DYDC2: variants seen among roughly 807,000 people sequenced by gnomAD.
DYDC2 encodes DPY30 domain-containing protein 2.
A neutral mutation model predicts 18.7 loss-of-function variants in DYDC2; 19 were observed. The ratio of observed to expected loss-of-function variants is 1.02; its 90% CI spans 0.71 to 1.49. The LOEUF (loss-of-function observed/expected upper bound fraction) is 1.49. Ranked by LOEUF, DYDC2 falls within the 40% of genes most tolerant of loss-of-function variation. DYDC2 has a pLI of 0.00. For synonymous variants in DYDC2, 63 were observed against 67.6 expected (o/e 0.93, Z 0.34); for missense variants, 179 against 205.1 (o/e 0.87, Z 0.78).
intron 2 of DYDC2, among the ~76,000 whole-genome samples, chr10:80,358,462 T>C (rs539261898): frequency 8.7e-4 from 133 of 152,326 alleles, no homozygotes; most frequent in Middle Eastern, 6.8e-3. Context: ...ACTGTCTTTG[T>C]ACCATATTTT....
upstream of DYDC2, among the ~76,000 whole-genome samples, chr10:80,353,824 A>G (rs1032387114): frequency 2.0e-5 from 3 of 151,706 alleles, no homozygotes; most frequent in Admixed American, 1.3e-4. Flanking sequence ...AGTAAACTTG[A>G]AATCAATAAT....
At chr10:80,364,504 T>C (rs1181866102) in intron 4 of DYDC2, among the ~76,000 whole-genome samples, 1 of 152,172 alleles carries the variant, frequency 6.6e-6, no homozygotes, top group Non-Finnish European at 1.5e-5. Flanking sequence ...TTCACCCTAG[T>C]TTTATGGTAG....
chr10:80,345,911 G>T (rs1270308734), intron 1 of DYDC2, among the ~76,000 whole-genome samples: 1 of 152,194 alleles, frequency 6.6e-6, no homozygotes. Context: ...AGGTGGGAGT[G>T]CAGTGGCACT....
At chr10:80,354,209 G>A (rs527761530), upstream of DYDC2, among the ~76,000 whole-genome samples, 9 of 151,122 alleles carry the variant, frequency 6.0e-5, no homozygotes, top group African/African-American at 1.2e-4. Context: ...AATATTTGCC[G>A]GGCACAGTGG....
upstream of DYDC2, chr10:80,352,632 A>G (rs1843071721): frequency 1.9e-6 from 3 of 1,592,370 alleles, 1 homozygote; most frequent in Non-Finnish European, 2.6e-6. Context: ...GTGTTTTTGC[A>G]TTACTGCAGG....
intron 4 of DYDC2, among the ~76,000 whole-genome samples, chr10:80,365,006 A>C (rs1843783105): frequency 6.6e-6 from 1 of 152,230 alleles, no homozygotes. Flanking sequence ...GCTATTGGTC[A>C]CCTTCACCTT....
intron 2 of DYDC2, among the ~76,000 whole-genome samples, chr10:80,358,250 C>A (rs1185805479): frequency 6.6e-6 from 1 of 152,168 alleles, no homozygotes; most frequent in Non-Finnish European, 1.5e-5. Flanking sequence ...TGGTGGCGCA[C>A]ACCTGTAATC....
At chr10:80,356,516 C>G (rs1843376687), upstream of DYDC2, 2 of 985,448 alleles carry the variant, frequency 2.0e-6, no homozygotes. Context: ...GGAGACGCAG[C>G]GCTCCCCGCT....
chr10:80,362,549 T>G lies in DYDC2; in HGVS notation c.106T>G (p.Trp36Gly). 1 of 1,613,476 alleles carries G rather than the reference T, an allele frequency of 6.2e-7. No homozygotes were observed. Among genetic ancestry groups the G allele is most frequent in the Non-Finnish European group, 8.5e-7 (1 of 1,179,480 alleles). The change falls in exon 3 of 5, where the codon TGG becomes GGG. Residue 36 changes from tryptophan (W) to glycine (G), a missense_variant. Physicochemically the swap from Trp to Gly is radical, Grantham distance 184 (BLOSUM62 -2). Transcript: ENST00000256039. The part of the protein sequence containing the change: ...PSDPIEYLAH[W>G]LYHYRKTAKA... Reference sequence around the variant, plus strand: ...TGACCCAATAGAATACCTGGCTCACTGGCTTTATCATTACAGGAAAACAGC... The same window carrying G: ...TGACCCAATAGAATACCTGGCTCACGGGCTTTATCATTACAGGAAAACAGC...
At chr10:80,351,832 T>G (rs959733047), upstream of DYDC2, 13 of 1,422,576 alleles carry the variant, frequency 9.1e-6, no homozygotes, top group African/African-American at 1.7e-4. Context: ...TTATCAACAT[T>G]TAGGCTGTGC....
chr10:80,365,386 C>G (rs940569923), intron 4 of DYDC2, among the ~76,000 whole-genome samples: 7 of 152,206 alleles, frequency 4.6e-5, no homozygotes, highest in African/African-American at 1.7e-4. Flanking sequence ...TAAGCAGATG[C>G]AGCTTTAAGT....
At chr10:80,346,189 T>A (rs1394494621) in intron 1 of DYDC2, among the ~76,000 whole-genome samples, 2 of 151,700 alleles carry the variant, frequency 1.3e-5, no homozygotes, top group African/African-American at 4.8e-5. Context: ...GACATTTATG[T>A]TGTTTCCAAA....
chr10:80,350,753 T>C (rs1842933222), intron 1 of DYDC2, among the ~76,000 whole-genome samples: 2 of 152,218 alleles, frequency 1.3e-5, no homozygotes, highest in South Asian at 4.1e-4. Flanking sequence ...TTAAGTATTA[T>C]CTGGTAGAAC....
chr10:80,345,615 C>CTGT (rs1842568218), intron 1 of DYDC2, among the ~76,000 whole-genome samples: 1 of 152,142 alleles, frequency 6.6e-6, no homozygotes, highest in Non-Finnish European at 1.5e-5. Flanking sequence ...TTGGTAACCA[C>CTGT]TGTTCTATTC....
chr10:80,354,129 AAT>A (rs1208621866), upstream of DYDC2, among the ~76,000 whole-genome samples: 1 of 147,600 alleles, frequency 6.8e-6, no homozygotes, highest in Non-Finnish European at 1.5e-5. Flanking sequence ...TATAAAAAAA[AAT>A]ATATATATAT....
intron 2 of DYDC2, among the ~76,000 whole-genome samples, 188 bp downstream of exon 2, chr10:80,358,233 C>G (rs1277499889): frequency 6.6e-6 from 1 of 152,156 alleles, no homozygotes; most frequent in African/African-American, 2.4e-5. Context: ...CAAAAATTAG[C>G]CAGGTGTGGT....
At chr10:80,357,082 G>A in intron 1 of DYDC2, among the ~76,000 whole-genome samples, 1 of 130,202 alleles carries the variant, frequency 7.7e-6, no homozygotes, top group East Asian at 2.6e-4. Flanking sequence ...CAGGGGAGGG[G>A]GCCAGAGAGG....
At position 80,360,287 on chromosome 10, in the gene DYDC2, G is replaced by T. The variant is rs115353749; in HGVS notation, c.-9-2148G>T. On this transcript the variant is annotated intron_variant, in intron 2 of 4. Coordinates refer to ENST00000256039, the MANE Select transcript of DYDC2 (RefSeq NM_032372.6). ...TAAAACCAAAGTGTCAGCAGGGCAG[G>T]TTCCTCAGGAGGCTCTGGGGAGAAT... is the stretch of plus-strand genomic sequence containing the variant. 3.0e-3 allele frequency among the ~76,000 whole-genome samples: 458 copies of T among 152,246 alleles called. 3 individuals are homozygous for T. Among genetic ancestry groups the T allele is most frequent in the African/African-American group, 0.01 (429 of 41,546 alleles).
chr10:80,346,475 T>TTTTTTC (rs1448974453), intron 1 of DYDC2, among the ~76,000 whole-genome samples: 1 of 141,972 alleles, frequency 7.0e-6, no homozygotes. Flanking sequence ...TTTTTTTCTT[T>TTTTTTC]TTTGAGACGG....
Sources: gnomAD v4.1 joint callset for allele counts (sites outside exome capture counted in the v4.1 genomes callset) on GRCh38, gnomAD v4.1.1 for gene constraint, MANE v1.5 for transcripts, NCBI Gene and HGNC (gene_info 2026-07-23, HGNC 2026-07-21) for gene names.